The following RIPOR2 variants were observed in gnomAD, a reference collection of about 807,000 sequenced individuals.
The protein encoded by RIPOR2 is RHO family interacting cell polarization regulator 2, also known as rho family-interacting cell polarization regulator 2.
In RIPOR2, 39 loss-of-function variants were observed where a neutral mutation model predicts 114.5. The observed-to-expected ratio is 0.34, with a 90% CI of 0.26 to 0.44. The LOEUF (loss-of-function observed/expected upper bound fraction) is 0.44, where lower values mean the gene tolerates loss of function less well. Among genes scored for constraint, RIPOR2 ranks in the 20% least tolerant of loss-of-function variants. The probability of loss-of-function intolerance (pLI) is 1.00; values close to 1 mark genes in which losing one functional copy is unlikely to be tolerated. For synonymous variants in RIPOR2, 445 were observed against 484.4 expected (o/e 0.92, Z 1.07); for missense variants, 1,007 against 1,255.1 (o/e 0.80, Z 2.99).
chr6:25,023,412 G>A (rs1214608953), intron 1 of RIPOR2: 10 of 770,036 alleles, frequency 1.3e-5, no homozygotes, highest in Admixed American at 3.4e-5. Context: ...TCCCAGCCAA[G>A]GATGTACACC....
intron 1 of RIPOR2, among the ~76,000 whole-genome samples, chr6:24,885,966 G>C (rs1316149038): frequency 6.6e-6 from 1 of 152,126 alleles, no homozygotes; most frequent in African/African-American, 2.4e-5. Context: ...ATGAGTACCT[G>C]GGATGTGCAG....
At chr6:25,005,740 T>TATATATATACAC (rs1491374316) in intron 1 of RIPOR2, among the ~76,000 whole-genome samples, 1 of 104,520 alleles carries the variant, frequency 9.6e-6, no homozygotes, top group East Asian at 3.8e-4. Context: ...TATATATATA[T>TATATATATACAC]ACATTTACCG....
intron 1 of RIPOR2, chr6:24,877,320 G>C: frequency 8.1e-6 from 8 of 985,344 alleles, no homozygotes; most frequent in Non-Finnish European, 8.4e-6. Context: ...CCCTCTCCAG[G>C]AGAGAGCAGC....
intron 2 of RIPOR2, 78 bp downstream of exon 2, chr6:24,875,613 C>A: frequency 7.0e-7 from 1 of 1,425,726 alleles, no homozygotes. Context: ...AGGCTGAATG[C>A]ACACAGACCC....
chr6:25,009,938 G>A (rs1325364984), intron 1 of RIPOR2, among the ~76,000 whole-genome samples: 1 of 152,158 alleles, frequency 6.6e-6, no homozygotes, highest in Non-Finnish European at 1.5e-5. Flanking sequence ...TGAGGCAGGA[G>A]AGCATGGGAG....
intron 1 of RIPOR2, among the ~76,000 whole-genome samples, chr6:24,895,499 A>G (rs1767776682): frequency 6.6e-6 from 1 of 152,022 alleles, no homozygotes; most frequent in African/African-American, 2.4e-5. Context: ...TGCAGTGATC[A>G]TGTCACATTT....
At chr6:24,970,362 C>T (rs966328875) in intron 1 of RIPOR2, among the ~76,000 whole-genome samples, 3 of 152,108 alleles carry the variant, frequency 2.0e-5, no homozygotes, top group Non-Finnish European at 4.4e-5. Flanking sequence ...TAGGGAAACT[C>T]AAAGAGGTCT....
At position 24,890,290 on chromosome 6, in the gene RIPOR2, G is replaced by A. The variant is rs181290476; in HGVS notation, c.62-14473C>T. ...GGGTTGATTTGATAAAGAAAATGTG[G>A]TATATATACACAATACAATACTATT... On this transcript the variant is annotated intron_variant, in intron 1 of 21. Transcript: ENST00000643898. Among the ~76,000 whole-genome samples, 3 of 152,248 alleles carry A rather than the reference G, an allele frequency of 2.0e-5. No homozygotes were observed. In the East Asian group the frequency reaches 5.8e-4, roughly 29 times the overall value.
chr6:24,846,340 T>G lies in RIPOR2; in HGVS notation c.1164+1685A>C, dbSNP rs1259292345. On this transcript the variant is annotated intron_variant, in intron 12 of 21. Transcript: ENST00000643898. ...TTTTTTTTTTGAGACAAGGTCTTGC[T>G]CTGTTGTCCAGACTGGACTGCAGTG... Among the ~76,000 whole-genome samples, 3 of 136,194 alleles carry G rather than the reference T, an allele frequency of 2.2e-5. No homozygotes were observed. The Admixed American group carries it at 2.6e-4, about 12-fold the overall frequency. 89.3% of individuals were successfully genotyped at this position (136,194 alleles called of 152,430 possible). A position where few individuals can be genotyped will look rare whatever the true frequency, so the allele number is the denominator to read the frequency against.
At chr6:24,992,419 C>T (rs1395354642) in intron 1 of RIPOR2, among the ~76,000 whole-genome samples, 1 of 152,140 alleles carries the variant, frequency 6.6e-6, no homozygotes, top group Non-Finnish European at 1.5e-5. Flanking sequence ...TATTCCTATA[C>T]ACTAGCAACA....
chr6:24,819,141 GGA>G (rs1475355844), intron 19 of RIPOR2, among the ~76,000 whole-genome samples: 3 of 151,980 alleles, frequency 2.0e-5, no homozygotes, highest in Non-Finnish European at 4.4e-5. Context: ...AATAAAATTG[GGA>G]GAGAGTTATG....
intron 1 of RIPOR2, among the ~76,000 whole-genome samples, chr6:24,988,817 G>A (rs1774653847): frequency 6.6e-6 from 1 of 152,104 alleles, no homozygotes; most frequent in African/African-American, 2.4e-5. Flanking sequence ...AAGTTTTATT[G>A]CCCATTCATT....
intron 1 of RIPOR2, among the ~76,000 whole-genome samples, chr6:24,967,302 T>C (rs1280085103): frequency 6.6e-6 from 1 of 152,202 alleles, no homozygotes; most frequent in Non-Finnish European, 1.5e-5. Flanking sequence ...TGTGTGGAAC[T>C]GGTGAATAAG....
intron 1 of RIPOR2, among the ~76,000 whole-genome samples, chr6:24,955,781 G>C (rs923762064): frequency 6.6e-6 from 1 of 151,480 alleles, no homozygotes; most frequent in Non-Finnish European, 1.5e-5. Flanking sequence ...GAGGTGGGTA[G>C]ATCACTTGAG....
rs188840019 is a variant in RIPOR2 at position 25,020,079 on chromosome 6, G to C, written c.76+21772C>G. The stretch of plus-strand genomic sequence containing the variant: ...TACAGGATATTTTTATGTCTCATTT[G>C]TATAGTTCTTTACTTTAAAAATTAT... On this transcript the variant is annotated intron_variant, in intron 1 of 13. Transcript: ENST00000510784. Among the ~76,000 whole-genome samples, 766 of 152,066 alleles carry C rather than the reference G, an allele frequency of 5.0e-3. 6 individuals are homozygous for C. The highest frequency in any genetic ancestry group is 0.018 in the South Asian group (87 of 4,814).
chr6:24,954,500 G>A (rs1325608545), intron 1 of RIPOR2, among the ~76,000 whole-genome samples: 1 of 135,036 alleles, frequency 7.4e-6, no homozygotes, highest in Non-Finnish European at 1.5e-5. Context: ...CTGTTGCCCA[G>A]CTTGGAATGC....
chr6:24,973,549 A>C (rs1346097338), intron 1 of RIPOR2, among the ~76,000 whole-genome samples: 1 of 151,082 alleles, frequency 6.6e-6, no homozygotes, highest in Non-Finnish European at 1.5e-5. Flanking sequence ...GGGAGCTGAG[A>C]TCACACCACT....
At chr6:24,951,924 C>T (rs1481235009) in intron 1 of RIPOR2, among the ~76,000 whole-genome samples, 1 of 152,226 alleles carries the variant, frequency 6.6e-6, no homozygotes, top group African/African-American at 2.4e-5. Context: ...TGCTTACCTT[C>T]CGCTGGATCC....
chr6:24,835,939 G>T, intron 14 of RIPOR2, 68 bp from the exon 15 acceptor site: 3 of 1,459,408 alleles, frequency 2.1e-6, no homozygotes, highest in Non-Finnish European at 2.8e-6. Context: ...AGTCCACATG[G>T]TTTGCATCGG....
Sources: gnomAD v4.1 joint callset for allele counts (sites outside exome capture counted in the v4.1 genomes callset) on GRCh38, gnomAD v4.1.1 for gene constraint, MANE v1.5 for transcripts, NCBI Gene and HGNC (gene_info 2026-07-23, HGNC 2026-07-21) for gene names.